Variants in PLBD1 observed in about 807,000 individuals in gnomAD.
PLBD1 encodes the protein lysosomal leucine aminopeptidase.
Under a neutral mutation model 63.0 loss-of-function variants are expected in PLBD1, and 60 were observed. The ratio of observed to expected loss-of-function variants is 0.95; its 90% CI spans 0.77 to 1.18. PLBD1 has a LOEUF of 1.18. Among genes scored for constraint, PLBD1 ranks in the 50% most tolerant of loss-of-function variants. The probability of loss-of-function intolerance (pLI) is 0.00; values close to 1 mark genes in which losing one functional copy is unlikely to be tolerated. For synonymous variants in PLBD1, 262 were observed against 248.0 expected (o/e 1.06, Z -0.53); for missense variants, 598 against 677.9 (o/e 0.88, Z 1.31).
intron 2 of PLBD1, among the ~76,000 whole-genome samples, chr12:14,545,631 G>A (rs1399539870): frequency 6.6e-6 from 1 of 152,128 alleles, no homozygotes; most frequent in Non-Finnish European, 1.5e-5. Flanking sequence ...GGCCATTCTG[G>A]ATTCCAAGAA....
chr12:14,516,393 G>T (rs1019925405), intron 6 of PLBD1, among the ~76,000 whole-genome samples: 1 of 152,100 alleles, frequency 6.6e-6, no homozygotes. Context: ...TTGCTGCTTA[G>T]ACCACAAGGG....
Position 14,542,254 on chromosome 12 carries a change from G to C in PLBD1, c.373C>G (p.Leu125Val). The C allele has an allele frequency of 6.2e-7, 1 of 1,611,128 alleles. No homozygotes were observed. Among genetic ancestry groups the C allele is most frequent in the South Asian group, 1.1e-5 (1 of 91,010 alleles). The change falls in exon 3 of 11, where the codon CTG (leucine) becomes GTG (valine). Residue 125 changes from leucine to valine, a missense_variant. Coordinates refer to ENST00000240617, the MANE Select transcript of PLBD1 (RefSeq NM_024829.6). ...NDHYTNLYPQ[L>V]ITKPSIMDKV... is the part of the protein sequence containing the mutation. Reference sequence around the variant, plus strand: ...TCCATGATGGAAGGTTTCGTGATCAGCTGTGGGTAGAGGTTTGTGTAGTGG... The same window carrying C: ...TCCATGATGGAAGGTTTCGTGATCACCTGTGGGTAGAGGTTTGTGTAGTGG...
At chr12:14,542,137 G>A (rs1464679564) in intron 3 of PLBD1, 71 bp downstream of exon 3, 1 of 1,324,768 alleles carries the variant, frequency 7.5e-7, no homozygotes, top group Non-Finnish European at 1.1e-6. Context: ...GCAAAAAATT[G>A]CTGCTTGAAA....
chr12:14,515,703 T>G (rs1051439277), intron 6 of PLBD1, among the ~76,000 whole-genome samples: 1 of 152,194 alleles, frequency 6.6e-6, no homozygotes, highest in African/African-American at 2.4e-5. Flanking sequence ...GACTTAAATT[T>G]TCCTGGAGCC....
intron 6 of PLBD1, among the ~76,000 whole-genome samples, chr12:14,525,725 A>ACACACTT (rs57220320): frequency 6.6e-6 from 1 of 151,760 alleles, no homozygotes; most frequent in African/African-American, 2.4e-5. Context: ...GCACACACAC[A>ACACACTT]CTTGTTTTAA....
intron 6 of PLBD1, among the ~76,000 whole-genome samples, chr12:14,516,831 G>T (rs1470747404): frequency 1.3e-5 from 2 of 152,034 alleles, no homozygotes; most frequent in African/African-American, 4.8e-5. Context: ...CTGAGTTCAG[G>T]AGTTCGAGAT....
chr12:14,557,005 A>AAAAAAGACTGTCTGTCACGCTTTTC (rs1194338255), intron 1 of PLBD1, among the ~76,000 whole-genome samples: 13 of 150,180 alleles, frequency 8.7e-5, no homozygotes, highest in African/African-American at 3.2e-4. Flanking sequence ...AAAAAAAAAA[A>AAAAAAGACTGTCTGTCACGCTTTTC]AAAAGACTGT....
At chr12:14,512,930 C>T (rs1018631529) in intron 6 of PLBD1, among the ~76,000 whole-genome samples, 6 of 152,172 alleles carry the variant, frequency 3.9e-5, no homozygotes, top group East Asian at 1.9e-4. Flanking sequence ...TCATCTTGGG[C>T]TTCCCAGCCT....
intron 6 of PLBD1, among the ~76,000 whole-genome samples, chr12:14,534,369 C>T (rs1001330373): frequency 3.9e-5 from 6 of 152,112 alleles, no homozygotes; most frequent in African/African-American, 1.4e-4. Flanking sequence ...CATGCTAACA[C>T]ACATGCTTTG....
intron 5 of PLBD1, 115 bp from the exon 6 acceptor site, chr12:14,535,918 T>G (rs1333177893): frequency 9.3e-6 from 10 of 1,073,672 alleles, no homozygotes; most frequent in Non-Finnish European, 1.3e-5. Context: ...TTTATTGCTA[T>G]ACTGATTATT....
At chr12:14,528,730 T>C (rs1945436655) in intron 6 of PLBD1, among the ~76,000 whole-genome samples, 1 of 151,956 alleles carries the variant, frequency 6.6e-6, no homozygotes, top group South Asian at 2.1e-4. Context: ...AATATAAAAA[T>C]GGAAATTTTA....
At chr12:14,525,580 A>G (rs996273890) in intron 6 of PLBD1, among the ~76,000 whole-genome samples, 2 of 152,100 alleles carry the variant, frequency 1.3e-5, no homozygotes, top group African/African-American at 4.8e-5. Context: ...CAATAATCAC[A>G]AAGAAGACCA....
intron 8 of PLBD1, among the ~76,000 whole-genome samples, chr12:14,508,211 G>T (rs1364463781): frequency 6.6e-6 from 1 of 152,166 alleles, no homozygotes; most frequent in Non-Finnish European, 1.5e-5. Flanking sequence ...TGGATTTGAA[G>T]CCTGGTTCTG....
Position 14,523,708 on chromosome 12 carries a change from A to G in PLBD1, c.844+11951T>C, listed in dbSNP as rs148813630. Among the ~76,000 whole-genome samples, 1,075 of 152,334 alleles carry G rather than the reference A, an allele frequency of 7.1e-3. 5 individuals are homozygous for G. Among genetic ancestry groups the G allele is most frequent in the Middle Eastern group, 0.024 (7 of 294 alleles). On this transcript the variant is annotated intron_variant, in intron 6 of 10. Transcript: ENST00000240617. ...CAGCTAATTGATTTTTGACAAAGAC[A>G]CTAAGAACACACATTGGAAAAAATT...
chr12:14,547,180 TTGTGTGTGTGTGTG>T lies in PLBD1; in HGVS notation c.336-4903_336-4890del, dbSNP rs56182227. ...CAGGTGTGAGCCACTGCACCTGGCTTTGTGTGTGTGTGTGTGTGTGTGTGTGTGTGTGTGTGTGT... is the reference window on the plus strand; with the variant it reads ...CAGGTGTGAGCCACTGCACCTGGCTTTGTGTGTGTGTGTGTGTGTGTGTGT... On this transcript the variant is annotated intron_variant, in intron 2 of 10. Transcript: ENST00000240617. Among the ~76,000 whole-genome samples, 62 of 138,218 alleles carry T rather than the reference TTGTGTGTGTGTGTG, an allele frequency of 4.5e-4. 1 individual carries two copies. Among genetic ancestry groups the T allele is most frequent in the East Asian group, 1.8e-3 (8 of 4,520 alleles). The allele number at this position is 138,218 out of a possible 152,430, so 90.7% of individuals were successfully genotyped here. A position where few individuals can be genotyped will look rare whatever the true frequency, so the allele number is the denominator to read the frequency against.
In PLBD1 at chr12:14,553,222, A is replaced by G; in HGVS notation, c.306T>C (p.Ala102=). The G allele has an allele frequency of 1.2e-6, 2 of 1,613,550 alleles. No homozygotes were observed. The highest frequency in any genetic ancestry group is 1.3e-5 in the African/African-American group (1 of 75,030). Residue 102 remains alanine, a synonymous_variant, in exon 2 of 11, where the codon GCT becomes GCC. Transcript: ENST00000240617. ...TLSNEIIMFV[A]GFLEGYLTAP... is the part of the protein sequence containing the mutation. ...CAGTGAGGTAACCCTCCAAAAAGCC[A>G]GCCACAAACATGATGATCTCATTGC...
intron 9 of PLBD1, among the ~76,000 whole-genome samples, chr12:14,506,538 T>C (rs1424334278): frequency 6.6e-6 from 1 of 152,212 alleles, no homozygotes; most frequent in African/African-American, 2.4e-5. Context: ...ATCAGCTGTT[T>C]CCAACAAAAT....
At chr12:14,522,187 A>G (rs1258769959) in intron 6 of PLBD1, among the ~76,000 whole-genome samples, 1 of 152,174 alleles carries the variant, frequency 6.6e-6, no homozygotes, top group Non-Finnish European at 1.5e-5. Context: ...AAGCTTCACA[A>G]AATAATAGCA....
intron 6 of PLBD1, among the ~76,000 whole-genome samples, chr12:14,532,128 A>G (rs1241825914): frequency 6.6e-6 from 1 of 152,214 alleles, no homozygotes; most frequent in Non-Finnish European, 1.5e-5. Flanking sequence ...TGGGTAGGAT[A>G]GGTGAGAAGC....
Sources: allele counts gnomAD v4.1 joint callset (sites outside exome capture counted in the v4.1 genomes callset), GRCh38; gene constraint gnomAD v4.1.1; transcripts MANE v1.5; gene names NCBI Gene and HGNC (gene_info 2026-07-23, HGNC 2026-07-21).